MICU1: variants seen among roughly 807,000 people sequenced by gnomAD.
The protein encoded by MICU1 is calcium uptake protein 1, mitochondrial.
In MICU1, 45 loss-of-function variants were observed where a neutral mutation model predicts 56.8. The ratio of observed to expected loss-of-function variants is 0.79; its 90% CI spans 0.62 to 1.02. The LOEUF is 1.02. Ranked by LOEUF, MICU1 falls within the 50% of genes least tolerant of loss-of-function variation. The pLI is 0.00. For missense variants in MICU1, 504 were observed against 587.1 expected, an observed-to-expected ratio of 0.86 and a Z score of 1.46; for synonymous variants, 186 against 195.1, an observed-to-expected ratio of 0.95 and a Z score of 0.39.
At chr10:72,373,387 A>T (rs1408307802) in intron 11 of MICU1, among the ~76,000 whole-genome samples, 1 of 152,014 alleles carries the variant, frequency 6.6e-6, no homozygotes, top group Non-Finnish European at 1.5e-5. Context: ...ATGTTGCCTA[A>T]GCTGGTCTTG....
At chr10:72,423,533 A>G in intron 8 of MICU1, among the ~76,000 whole-genome samples, 162 bp from the exon 9 acceptor site, 1 of 152,236 alleles carries the variant, frequency 6.6e-6, no homozygotes, top group Non-Finnish European at 1.5e-5. Context: ...AAGAAACAGA[A>G]GATATAGGTT....
At chr10:72,396,811 G>C (rs1333560185) in intron 10 of MICU1, among the ~76,000 whole-genome samples, 1 of 152,194 alleles carries the variant, frequency 6.6e-6, no homozygotes, top group Admixed American at 6.5e-5. Flanking sequence ...ACATTTGATT[G>C]ATGTACCTGA....
At chr10:72,442,389 C>A (rs1162643415) in intron 8 of MICU1, among the ~76,000 whole-genome samples, 1 of 150,844 alleles carries the variant, frequency 6.6e-6, no homozygotes, top group African/African-American at 2.4e-5. Context: ...GGTGACCCAC[C>A]CGCCTCAGCC....
intron 10 of MICU1, among the ~76,000 whole-genome samples, chr10:72,388,015 G>C (rs1862949923): frequency 6.6e-6 from 1 of 152,076 alleles, no homozygotes; most frequent in Non-Finnish European, 1.5e-5. Flanking sequence ...CCATTCTACA[G>C]ATCTGGAAAC....
chr10:72,565,009 G>A (rs567296572), intron 2 of MICU1, among the ~76,000 whole-genome samples: 9 of 152,104 alleles, frequency 5.9e-5, no homozygotes, highest in African/African-American at 1.2e-4. Flanking sequence ...GGCTGGGCAT[G>A]GTGGCTCATG....
intron 1 of MICU1, among the ~76,000 whole-genome samples, chr10:72,587,464 CAAAAAAA>C (rs35303837): frequency 3.2e-5 from 3 of 92,868 alleles, no homozygotes; most frequent in Admixed American, 2.6e-4. Flanking sequence ...CAGCATGTCT[CAAAAAAA>C]AAAAAAAAAA....
At chr10:72,417,809 G>A (rs1014956836) in intron 9 of MICU1, among the ~76,000 whole-genome samples, 1 of 152,210 alleles carries the variant, frequency 6.6e-6, no homozygotes, top group Non-Finnish European at 1.5e-5. Context: ...CATCTCTCGA[G>A]CAGTGGCTCA....
intron 8 of MICU1, among the ~76,000 whole-genome samples, chr10:72,445,520 T>G (rs1055694696): frequency 1.3e-5 from 2 of 152,202 alleles, no homozygotes; most frequent in African/African-American, 4.8e-5. Flanking sequence ...TTTCATTTAG[T>G]CTTCACTCAC....
At chr10:72,378,462 G>T (rs974916530) in intron 10 of MICU1, among the ~76,000 whole-genome samples, 6 of 152,232 alleles carry the variant, frequency 3.9e-5, no homozygotes, top group Non-Finnish European at 5.9e-5. Flanking sequence ...CTGGCCATGT[G>T]AGACGTGCCT....
chr10:72,595,985 C>CTT lies in MICU1; in HGVS notation c.-1-29193_-1-29192dup, dbSNP rs1220444933. Among the ~76,000 whole-genome samples the CTT allele has an allele frequency of 1.9e-4, 23 of 119,266 alleles. 1 individual carries two copies. Among genetic ancestry groups the CTT allele is most frequent in the East Asian group, 1.3e-3 (6 of 4,464 alleles). The allele number at this position is 119,266 out of a possible 152,430, so 78.2% of individuals were successfully genotyped here. A position where few individuals can be genotyped will look rare whatever the true frequency, so the allele number is the denominator to read the frequency against. On this transcript the variant is annotated intron_variant, in intron 1 of 11. Coordinates refer to ENST00000361114, the MANE Select transcript of MICU1 (RefSeq NM_001195518.2). ...GTCTCCACAATAAAAAAATTTTTTT[C>CTT]TTTTTTTTTTTTTTTTTTGAGACAG...
At chr10:72,431,414 G>A (rs1864528000) in intron 8 of MICU1, among the ~76,000 whole-genome samples, 1 of 152,180 alleles carries the variant, frequency 6.6e-6, no homozygotes. Flanking sequence ...ACAGGTGTAA[G>A]CCATCGTGCC....
intron 8 of MICU1, among the ~76,000 whole-genome samples, chr10:72,463,657 G>A (rs1246283074): frequency 1.3e-5 from 2 of 152,266 alleles, no homozygotes; most frequent in African/African-American, 2.4e-5. Flanking sequence ...ATATAATGGC[G>A]TTCCCATAAG....
intron 1 of MICU1, among the ~76,000 whole-genome samples, chr10:72,601,343 G>C (rs555201088): frequency 1.9e-4 from 28 of 149,910 alleles, no homozygotes; most frequent in African/African-American, 6.4e-4. Flanking sequence ...ACGATCACTT[G>C]AGTCCAGGAG....
At chr10:72,412,019 A>T (rs1410579442) in intron 9 of MICU1, among the ~76,000 whole-genome samples, 1 of 152,224 alleles carries the variant, frequency 6.6e-6, no homozygotes, top group Non-Finnish European at 1.5e-5. Flanking sequence ...ATCACTTATC[A>T]TTATGCCAAG....
intron 8 of MICU1, among the ~76,000 whole-genome samples, chr10:72,430,478 C>T (rs945178379): frequency 2.6e-4 from 40 of 151,974 alleles, no homozygotes; most frequent in African/African-American, 9.7e-4. Flanking sequence ...AAACAAACAC[C>T]ACGAGCCTCC....
intron 6 of MICU1, among the ~76,000 whole-genome samples, chr10:72,484,410 CA>C (rs528815777): frequency 0.016 from 2,077 of 132,064 alleles, 19 homozygotes; most frequent in African/African-American, 0.03. Context: ...ATACCAAGGA[CA>C]AAAAAAAAAA....
At chr10:72,510,757 C>T (rs371768138) in intron 5 of MICU1, among the ~76,000 whole-genome samples, 3 of 151,990 alleles carry the variant, frequency 2.0e-5, no homozygotes, top group African/African-American at 7.2e-5. Flanking sequence ...CTCAGCCTCC[C>T]GAGTAGCTGA....
intron 8 of MICU1, among the ~76,000 whole-genome samples, chr10:72,456,946 GGTGT>G (rs71018292): frequency 0.064 from 7,557 of 117,620 alleles, 250 homozygotes; most frequent in Non-Finnish European, 0.077. Flanking sequence ...ATATTGCCCA[GGTGT>G]GTGTGTGTGT....
chr10:72,607,249 G>A (rs1260485636), intron 1 of MICU1, among the ~76,000 whole-genome samples: 1 of 151,766 alleles, frequency 6.6e-6, no homozygotes, highest in Non-Finnish European at 1.5e-5. Flanking sequence ...GCTGAGTCAT[G>A]AGAATAGCTT....
Sources: allele counts gnomAD v4.1 joint callset (sites outside exome capture counted in the v4.1 genomes callset), GRCh38; gene constraint gnomAD v4.1.1; transcripts MANE v1.5; gene names NCBI Gene and HGNC (gene_info 2026-07-23, HGNC 2026-07-21).